Variants in AHCTF1 observed in about 807,000 individuals in gnomAD.
The protein encoded by AHCTF1 is AT-hook containing transcription factor 1.
AHCTF1 carries 24 observed loss-of-function variants against 248.4 expected under a neutral mutation model. The ratio of observed to expected loss-of-function variants is 0.10; its 90% confidence interval spans 0.07 to 0.14. The LOEUF is 0.14. AHCTF1 is among the 10% of genes least tolerant of loss of function. The pLI is 1.00. For synonymous variants in AHCTF1, 786 were observed against 929.8 expected (o/e 0.85, Z 2.81); for missense variants, 2,206 against 2,636.2 (o/e 0.84, Z 3.57).
chr1:246,912,307 T>A (rs1372703767), intron 4 of AHCTF1, among the ~76,000 whole-genome samples: 1 of 150,950 alleles, frequency 6.6e-6, no homozygotes, highest in African/African-American at 2.4e-5. Context: ...AAACCCCATC[T>A]CTACTAAAAA....
rs1331287119 is a variant in AHCTF1, at chr1:246,899,437, T to C, written c.1494+14A>G. On this transcript the variant is annotated intron_variant, in intron 11 of 35. Transcript: ENST00000648844. Reference sequence around the variant, plus strand: ...GACTTCAGTTCAATTAAGAAATCACTAGTTGTTACCTACCTCCTTCTGAAA... The same window carrying C: ...GACTTCAGTTCAATTAAGAAATCACCAGTTGTTACCTACCTCCTTCTGAAA... 1.2e-5 allele frequency: 19 copies of C among 1,591,468 alleles called. No homozygotes were observed. The highest frequency in any genetic ancestry group is 1.5e-5 in the Non-Finnish European group (17 of 1,166,268).
At chr1:246,876,887 C>A (rs1663007832) in intron 23 of AHCTF1, 63 bp downstream of exon 23, 1 of 1,577,738 alleles carries the variant, frequency 6.3e-7, no homozygotes, top group Non-Finnish European at 8.6e-7. Flanking sequence ...TATATAACAA[C>A]CAAAAAAGCC....
chr1:246,886,823 A>T lies in AHCTF1; in HGVS notation c.2472+388T>A, dbSNP rs111713548. On this transcript the variant is annotated intron_variant, in intron 20 of 35. Transcript: ENST00000648844. ...GTATTTTAAAGAATAAAAGCTTTAT[A>T]AAAAACCTGATACCTCTAAGACCCT... is the stretch of plus-strand genomic sequence containing the variant. Among the ~76,000 whole-genome samples the T allele has an allele frequency of 8.9e-3, 1,363 of 152,316 alleles. 21 individuals are homozygous for T. Among genetic ancestry groups the T allele is most frequent in the African/African-American group, 0.031 (1,293 of 41,562 alleles).
At chr1:246,891,156 T>C in intron 15 of AHCTF1, 96 bp from the exon 16 acceptor site, 1 of 680,434 alleles carries the variant, frequency 1.5e-6, no homozygotes, top group Non-Finnish European at 2.4e-6. Context: ...ACATAATTTG[T>C]AAATATATAT....
In AHCTF1 at chr1:246,930,016, C is replaced by G. The variant is rs145531202; in HGVS notation, c.-8+1562G>C. Among the ~76,000 whole-genome samples, 5 of 150,850 alleles carry G rather than the reference C, an allele frequency of 3.3e-5. No homozygotes were observed. In the South Asian group the frequency reaches 1.0e-3, roughly 31 times the overall value. On this transcript the variant is annotated intron_variant, in intron 1 of 35. Coordinates refer to ENST00000648844, the MANE Select transcript of AHCTF1 (RefSeq NM_001323342.2). ...GCAGTGAGCCAAGATTGTGCCACTG[C>G]ACTCCAGCCTGGGCAACAGAGCAAG...
rs1659733955 is a variant in AHCTF1 at position 246,839,907 on chromosome 1, C to CCTGA, written c.*895_*898dup. On this transcript the variant is annotated 3_prime_UTR_variant, in exon 36 of 36. Coordinates refer to ENST00000648844, the MANE Select transcript of AHCTF1 (RefSeq NM_001323342.2). The stretch of plus-strand genomic sequence containing the variant: ...TCTCTCCCAACCTCAATAATCTGTG[C>CCTGA]CTGAGGTCCTGTGAGAATTTGCCAG... 6.6e-6 allele frequency: 1 copy of CCTGA among 152,542 alleles called. No individual in the cohort carries two copies. The highest frequency in any genetic ancestry group is 1.5e-5 in the Non-Finnish European group (1 of 68,016). 9.4% of individuals were successfully genotyped at this position (152,542 alleles called of 1,614,324 possible). A position where few individuals can be genotyped will look rare whatever the true frequency, so the allele number is the denominator to read the frequency against.
At chr1:246,931,260 C>G in intron 1 of AHCTF1, 10 of 1,549,248 alleles carry the variant, frequency 6.5e-6, no homozygotes, top group Non-Finnish European at 8.7e-6. Context: ...GGTCGCGGCC[C>G]CGGCCGTCCG....
intron 24 of AHCTF1, among the ~76,000 whole-genome samples, chr1:246,868,444 A>G (rs1019182398): frequency 2.0e-5 from 3 of 148,212 alleles, no homozygotes; most frequent in Non-Finnish European, 2.9e-5. Flanking sequence ...TAGTAGAGAC[A>G]GGGTTTCACC....
chr1:246,868,072 C>G (rs937830043), intron 24 of AHCTF1, among the ~76,000 whole-genome samples: 1 of 151,898 alleles, frequency 6.6e-6, no homozygotes, highest in Non-Finnish European at 1.5e-5. Context: ...AAGCGATTCT[C>G]CTGCCTCAGC....
chr1:246,891,153 T>TA, intron 15 of AHCTF1, 93 bp from the exon 16 acceptor site: 3 of 692,986 alleles, frequency 4.3e-6, no homozygotes, highest in Non-Finnish European at 4.6e-6. Flanking sequence ...TTTACATAAT[T>TA]TGTAAATATA....
At chr1:246,924,006 T>C (rs546786225) in intron 1 of AHCTF1, among the ~76,000 whole-genome samples, 2 of 151,166 alleles carry the variant, frequency 1.3e-5, no homozygotes, top group Admixed American at 1.3e-4. Context: ...AATATAAATC[T>C]GGCAAAAGAG....
In AHCTF1 at chr1:246,840,412, T is replaced by C. The variant is rs1314702116; in HGVS notation, c.*394A>G. On this transcript the variant is annotated 3_prime_UTR_variant, in exon 36 of 36. Coordinates refer to ENST00000648844, the MANE Select transcript of AHCTF1 (RefSeq NM_001323342.2). ...AAAATAGTAACTGTAAAAAGAAATA[T>C]CAATACTTCAATCATCCCCATTTTA... 6.5e-6 allele frequency: 1 copy of C among 152,920 alleles called. No individual in the cohort carries two copies. Among genetic ancestry groups the C allele is most frequent in the African/African-American group, 2.4e-5 (1 of 41,458 alleles). The allele number at this position is 152,920 out of a possible 1,614,324, so 9.5% of individuals were successfully genotyped here. A position where few individuals can be genotyped will look rare whatever the true frequency, so the allele number is the denominator to read the frequency against.
At chr1:246,860,348 A>G (rs1018579014) in intron 29 of AHCTF1, among the ~76,000 whole-genome samples, 3 of 152,242 alleles carry the variant, frequency 2.0e-5, no homozygotes, top group African/African-American at 7.2e-5. Flanking sequence ...TTCAAGTCAG[A>G]CTATGGCATC....
At chr1:246,890,935 T>A in intron 16 of AHCTF1, 21 bp downstream of exon 16, 1 of 1,390,604 alleles carries the variant, frequency 7.2e-7, no homozygotes, top group South Asian at 1.6e-5. Flanking sequence ...TTAATACTTA[T>A]AGATTAAGTA....
At chr1:246,900,028 T>G in intron 10 of AHCTF1, 37 bp downstream of exon 10, 2 of 1,550,658 alleles carry the variant, frequency 1.3e-6, no homozygotes, top group Non-Finnish European at 1.8e-6. Context: ...TTTTGTGCAT[T>G]ACTTTTCTTA....
Position 246,855,165 on chromosome 1 carries a change from T to C in AHCTF1, c.4354+565A>G, listed in dbSNP as rs191842864. ...GTGCTGTGAGGATTAAATGAGTTAA[T>C]AGACACAAGATGATCAGACCAATTC... is the stretch of plus-strand genomic sequence containing the variant. On this transcript the variant is annotated intron_variant, in intron 31 of 35. Coordinates refer to ENST00000648844, the MANE Select transcript of AHCTF1 (RefSeq NM_001323342.2). Among the ~76,000 whole-genome samples, 14 of 152,298 alleles carry C rather than the reference T, an allele frequency of 9.2e-5. No homozygotes were observed. The East Asian group carries it at 2.7e-3, about 29-fold the overall frequency.
intron 30 of AHCTF1, 58 bp from the exon 31 acceptor site, chr1:246,855,885 G>C: frequency 7.7e-7 from 1 of 1,293,594 alleles, no homozygotes; most frequent in South Asian, 1.3e-5. Context: ...GCTTTAACCT[G>C]CTTTAGTCCT....
chr1:246,905,077 AACCATTT>A (rs1385036953), intron 6 of AHCTF1, among the ~76,000 whole-genome samples: 5 of 152,260 alleles, frequency 3.3e-5, no homozygotes, highest in Non-Finnish European at 7.3e-5. Context: ...ATGTAGAAAC[AACCATTT>A]AACTTTTAAA....
At chr1:246,856,673 C>CA (rs1661130785) in intron 30 of AHCTF1, among the ~76,000 whole-genome samples, 3 of 152,028 alleles carry the variant, frequency 2.0e-5, no homozygotes, top group Non-Finnish European at 4.4e-5. Flanking sequence ...CATTAAAATT[C>CA]AAAAAACATT....
Sources: gnomAD v4.1 joint callset for allele counts (sites outside exome capture counted in the v4.1 genomes callset) on GRCh38, gnomAD v4.1.1 for gene constraint, MANE v1.5 for transcripts, NCBI Gene and HGNC (gene_info 2026-07-23, HGNC 2026-07-21) for gene names.